The following RRBP1 variants were observed in gnomAD, a reference collection of about 807,000 sequenced individuals.
RRBP1 encodes the protein ribosome-binding protein 1.
RRBP1 carries 94 observed loss-of-function variants against 165.2 expected under a neutral mutation model. That is an observed-to-expected ratio of 0.57 (90% CI 0.48 to 0.68). The LOEUF (loss-of-function observed/expected upper bound fraction) is 0.68, where lower values mean the gene tolerates loss of function less well. Ranked by LOEUF, RRBP1 falls within the 30% of genes least tolerant of loss-of-function variation. The probability of loss-of-function intolerance (pLI) is 0.00; values close to 1 mark genes in which losing one functional copy is unlikely to be tolerated. For missense variants in RRBP1, 1,676 were observed against 1,763.0 expected (o/e 0.95, Z 0.88); for synonymous variants, 680 against 714.5 (o/e 0.95, Z 0.77).
intron 5 of RRBP1, among the ~76,000 whole-genome samples, chr20:17,640,684 A>G (rs562143365): frequency 1.3e-5 from 2 of 152,322 alleles, no homozygotes; most frequent in Admixed American, 1.3e-4. Flanking sequence ...TGCCCTGAGC[A>G]TGCAGCCAGG....
At chr20:17,650,819 G>C (rs916717780) in intron 3 of RRBP1, among the ~76,000 whole-genome samples, 2 of 152,220 alleles carry the variant, frequency 1.3e-5, no homozygotes, top group Admixed American at 1.3e-4. Context: ...ATTAGTACAA[G>C]ATCAGGGCAG....
intron 8 of RRBP1, among the ~76,000 whole-genome samples, chr20:17,631,865 G>GC (rs2036156698): frequency 6.6e-6 from 1 of 152,228 alleles, no homozygotes; most frequent in African/African-American, 2.4e-5. Flanking sequence ...TATGGAAAGA[G>GC]CCCCATTTTC....
At chr20:17,660,593 C>T (rs552782682) in intron 2 of RRBP1, 65 bp from the exon 3 acceptor site, 134 of 949,046 alleles carry the variant, frequency 1.4e-4, no homozygotes, top group Middle Eastern at 6.9e-4. Flanking sequence ...TCTATCCCCA[C>T]CCTACCACCA....
At chr20:17,666,341 TAAA>T (rs77772144) in intron 2 of RRBP1, among the ~76,000 whole-genome samples, 2 of 142,584 alleles carry the variant, frequency 1.4e-5, no homozygotes, top group Non-Finnish European at 3.1e-5. Flanking sequence ...CCCTGTCTCT[TAAA>T]AAAAAAAAAA....
intron 8 of RRBP1, among the ~76,000 whole-genome samples, chr20:17,631,173 C>A (rs1019070862): frequency 4.6e-5 from 7 of 152,392 alleles, no homozygotes; most frequent in Admixed American, 1.3e-4. Flanking sequence ...AGAAAGCACA[C>A]CTGCTTCTCC....
At chr20:17,626,245 T>A (rs945105284) in intron 11 of RRBP1, among the ~76,000 whole-genome samples, 2 of 152,228 alleles carry the variant, frequency 1.3e-5, no homozygotes, top group Admixed American at 6.5e-5. Context: ...GAGTTCATTA[T>A]CCTAGTAATA....
chr20:17,662,059 G>A lies in RRBP1; in HGVS notation c.-21-1531C>T, dbSNP rs973930619. The stretch of plus-strand genomic sequence containing the variant: ...AGGCAGATCACGAGGTCAGGAGATC[G>A]AGACCATCCTGGCTAACACGGTGAA... On this transcript the variant is annotated intron_variant, in intron 2 of 24. Transcript: ENST00000377813. Among the ~76,000 whole-genome samples the A allele has an allele frequency of 3.3e-5, 5 of 152,086 alleles. No individual in the cohort carries two copies. The East Asian group carries it at 5.8e-4, about 18-fold the overall frequency.
intron 8 of RRBP1, among the ~76,000 whole-genome samples, chr20:17,630,868 T>C (rs544025272): frequency 8.8e-4 from 134 of 152,382 alleles, no homozygotes; most frequent in Middle Eastern, 3.4e-3. Flanking sequence ...TCAATGCCTT[T>C]ACCAAGCTGA....
At chr20:17,674,878 GGTGA>G (rs2037047698) in intron 2 of RRBP1, among the ~76,000 whole-genome samples, 1 of 152,222 alleles carries the variant, frequency 6.6e-6, no homozygotes. Flanking sequence ...TCTGTTTCCT[GGTGA>G]GTGTGTCGTC....
At position 17,659,412 on chromosome 20, in the gene RRBP1, G is replaced by T. The variant is rs1399437802; in HGVS notation, c.1096C>A (p.Gln366Lys). ...QNQGKKAEGA[Q>K]NQGKKAEGAQ... is the part of the protein sequence containing the mutation. ...CCCTCAGCCTTCTTGCCCTGATTCT[G>T]GGCCCCCTCGGCCTTCTTGCCCTGA... Residue 366 changes from glutamine (Q) to lysine (K), a missense_variant, in exon 3 of 25, where the codon CAG becomes AAG. This residue lies in a region of RRBP1 where 78 missense variants were observed against 115.6 expected (regional missense o/e 0.67). Coordinates refer to ENST00000377813, the MANE Select transcript of RRBP1 (RefSeq NM_001365613.2). 4 of 1,518,294 alleles carry T rather than the reference G, an allele frequency of 2.6e-6. No individual in the cohort carries two copies. The African/African-American group carries it at 6.2e-5, about 23-fold the overall frequency. The allele number at this position is 1,518,294 out of a possible 1,614,324, so 94.1% of individuals were successfully genotyped here. A position where few individuals can be genotyped will look rare whatever the true frequency, so the allele number is the denominator to read the frequency against.
At chr20:17,632,821 T>C (rs1408864379) in intron 8 of RRBP1, among the ~76,000 whole-genome samples, 2 of 152,190 alleles carry the variant, frequency 1.3e-5, no homozygotes, top group Non-Finnish European at 2.9e-5. Flanking sequence ...GAAAACATGC[T>C]GCATGCTGCC....
At chr20:17,679,330 T>C (rs1322333538) in intron 2 of RRBP1, among the ~76,000 whole-genome samples, 1 of 152,218 alleles carries the variant, frequency 6.6e-6, no homozygotes, top group Non-Finnish European at 1.5e-5. Context: ...GTATAACCAA[T>C]ATTTATGATG....
intron 18 of RRBP1, 159 bp from the exon 19 acceptor site, chr20:17,619,887 G>C (rs1380584918): frequency 1.8e-6 from 1 of 568,298 alleles, no homozygotes; most frequent in African/African-American, 1.9e-5. Flanking sequence ...TCCGCGGCAA[G>C]AGAACCCCTT....
chr20:17,620,261 C>A, intron 18 of RRBP1, 38 bp downstream of exon 18: 1 of 1,522,022 alleles, frequency 6.6e-7, no homozygotes, highest in South Asian at 1.1e-5. Context: ...AAGAGGCTCC[C>A]GGGACAAGAG....
chr20:17,619,592 T>TCTGCGGTCCTCCCTGAG, intron 19 of RRBP1, 41 bp downstream of exon 19: 3 of 1,446,756 alleles, frequency 2.1e-6, no homozygotes, highest in Non-Finnish European at 2.9e-6. Context: ...GGACCGCAGA[T>TCTGCGGTCCTCCCTGAG]CTGCTGGGCA....
At chr20:17,679,496 CTA>C (rs1187757440) in intron 2 of RRBP1, among the ~76,000 whole-genome samples, 2 of 152,202 alleles carry the variant, frequency 1.3e-5, no homozygotes, top group African/African-American at 2.4e-5. Context: ...TGTTGATCCT[CTA>C]TGTGTCATTC....
In RRBP1 at chr20:17,641,804, A is replaced by G; in HGVS notation, c.2177T>C (p.Leu726Pro). 1 of 1,612,998 alleles carries G rather than the reference A, an allele frequency of 6.2e-7. No individual in the cohort carries two copies. Among genetic ancestry groups the G allele is most frequent in the Non-Finnish European group, 8.5e-7 (1 of 1,179,952 alleles). Residue 726 changes from leucine to proline, a missense_variant, in exon 5 of 25, where the codon CTC (leucine) becomes CCC (proline). Transcript: ENST00000377813. ...AAVAKSKLRE[L>P]NKEMAAEKAK... ...AGCCCACTCAGGCTGTACCTTGTTG[A>G]GCTCCCTCAGTTTGCTCTTGGCGAC...
At chr20:17,674,128 C>A (rs1199045284) in intron 2 of RRBP1, among the ~76,000 whole-genome samples, 3 of 152,146 alleles carry the variant, frequency 2.0e-5, no homozygotes, top group East Asian at 3.9e-4. Flanking sequence ...AAAAACACAC[C>A]ACCTGGGTTT....
At chr20:17,619,837 T>A in intron 18 of RRBP1, 109 bp from the exon 19 acceptor site, 1 of 675,466 alleles carries the variant, frequency 1.5e-6, no homozygotes, top group Non-Finnish European at 2.4e-6. Context: ...TCTCGGGAGA[T>A]CCCTGAGGCC....
Sources: allele counts gnomAD v4.1 joint callset (sites outside exome capture counted in the v4.1 genomes callset), GRCh38; gene constraint gnomAD v4.1.1; regional missense constraint gnomAD v4.1.1; transcripts MANE v1.5; gene names NCBI Gene and HGNC (gene_info 2026-07-23, HGNC 2026-07-21).